Variants in NME7 observed in about 807,000 individuals in gnomAD.
NME7 encodes the protein NME/NM23 family member 7, also known as nucleoside diphosphate kinase 7.
A neutral mutation model predicts 49.1 loss-of-function variants in NME7; 41 were observed. That is an observed-to-expected ratio of 0.83 (90% CI 0.65 to 1.08). NME7 has a LOEUF of 1.08. NME7 is among the 50% of genes least tolerant of loss of function. NME7 has a pLI of 0.00. For synonymous variants in NME7, 139 were observed against 150.6 expected (o/e 0.92, Z 0.56); for missense variants, 423 against 463.4 (o/e 0.91, Z 0.80).
intron 7 of NME7, 136 bp from the exon 8 acceptor site, chr1:169,237,823 A>G: frequency 1.6e-6 from 1 of 611,282 alleles, no homozygotes; most frequent in South Asian, 2.1e-5. Context: ...TGCAAGAGAA[A>G]CTAAATTAAA....
intron 1 of NME7, among the ~76,000 whole-genome samples, chr1:169,340,593 G>C (rs1571403038): frequency 6.6e-6 from 1 of 152,226 alleles, no homozygotes; most frequent in Admixed American, 6.5e-5. Flanking sequence ...CAGAAGAAAA[G>C]AAGATGTGGG....
intron 1 of NME7, among the ~76,000 whole-genome samples, chr1:169,349,399 T>G (rs1420338194): frequency 6.6e-6 from 1 of 152,124 alleles, no homozygotes; most frequent in Non-Finnish European, 1.5e-5. Context: ...AAGTTTAAAG[T>G]TTTTAAATTT....
intron 2 of NME7, 108 bp downstream of exon 2, chr1:169,324,283 TAC>T (rs201004112): frequency 4.2e-5 from 26 of 616,722 alleles, no homozygotes; most frequent in South Asian, 6.7e-5. Flanking sequence ...TATGTATATA[TAC>T]ACACACACAT....
intron 7 of NME7, among the ~76,000 whole-genome samples, chr1:169,256,334 C>T (rs556929387): frequency 7.5e-6 from 1 of 134,094 alleles, no homozygotes; most frequent in African/African-American, 2.5e-5. Flanking sequence ...TCACTGAAAC[C>T]CTTTCTTCCA....
At chr1:169,277,191 T>C (rs1649771240) in intron 7 of NME7, among the ~76,000 whole-genome samples, 1 of 149,540 alleles carries the variant, frequency 6.7e-6, no homozygotes, top group African/African-American at 2.5e-5. Context: ...GTTCTGTAGA[T>C]GTCTATTAGG....
At chr1:169,198,152 A>G (rs1660440934) in intron 10 of NME7, among the ~76,000 whole-genome samples, 2 of 152,240 alleles carry the variant, frequency 1.3e-5, no homozygotes, top group South Asian at 4.1e-4. Context: ...AACCACAATC[A>G]GACATCACTT....
At chr1:169,250,698 T>C (rs990175898) in intron 7 of NME7, among the ~76,000 whole-genome samples, 6 of 152,138 alleles carry the variant, frequency 3.9e-5, no homozygotes, top group Admixed American at 1.3e-4. Context: ...TTTCAAAGAA[T>C]TTTTAAAATT....
intron 1 of NME7, among the ~76,000 whole-genome samples, chr1:169,358,164 T>A (rs1249225491): frequency 6.6e-6 from 1 of 152,104 alleles, no homozygotes; most frequent in Non-Finnish European, 1.5e-5. Flanking sequence ...AGGTTGATAT[T>A]TTAATCTCTT....
intron 10 of NME7, among the ~76,000 whole-genome samples, chr1:169,199,800 A>T (rs1336421438): frequency 6.6e-6 from 1 of 152,122 alleles, no homozygotes; most frequent in African/African-American, 2.4e-5. Flanking sequence ...CTCAGCCAAA[A>T]TTCAGAATTT....
chr1:169,167,258 A>G (rs1320706409), intron 11 of NME7, among the ~76,000 whole-genome samples: 1 of 152,176 alleles, frequency 6.6e-6, no homozygotes, highest in Non-Finnish European at 1.5e-5. Flanking sequence ...TATATGTCTA[A>G]TAAATTCCAG....
intron 11 of NME7, among the ~76,000 whole-genome samples, chr1:169,143,748 A>G (rs1658675405): frequency 6.6e-6 from 1 of 152,190 alleles, no homozygotes; most frequent in African/African-American, 2.4e-5. Context: ...GGCAACTTCC[A>G]TTCATTGCAC....
chr1:169,296,988 C>G (rs1650736296), intron 6 of NME7, among the ~76,000 whole-genome samples: 1 of 150,962 alleles, frequency 6.6e-6, no homozygotes, highest in Non-Finnish European at 1.5e-5. Context: ...TTTTTTTTTC[C>G]CCCGAGATGG....
At chr1:169,187,340 T>C (rs1170341414) in intron 10 of NME7, among the ~76,000 whole-genome samples, 2 of 152,102 alleles carry the variant, frequency 1.3e-5, no homozygotes, top group African/African-American at 2.4e-5. Flanking sequence ...ATATTGAGAG[T>C]AGAGTGTTAA....
chr1:169,350,245 A>AAGGAAGGGAGGAAGGAAG (rs1553196995), intron 1 of NME7, among the ~76,000 whole-genome samples: 1 of 87,206 alleles, frequency 1.1e-5, no homozygotes, highest in African/African-American at 4.5e-5. Context: ...AAAGAAAGAA[A>AAGGAAGGGAGGAAGGAAG]GAAGGAAGGA....
intron 7 of NME7, among the ~76,000 whole-genome samples, chr1:169,248,384 G>A (rs1456814262): frequency 6.6e-6 from 1 of 151,828 alleles, no homozygotes; most frequent in Admixed American, 6.6e-5. Flanking sequence ...TTAGTCCTTT[G>A]CTAGATGTAT....
chr1:169,143,927 C>T (rs1658680290), intron 11 of NME7, among the ~76,000 whole-genome samples: 1 of 152,100 alleles, frequency 6.6e-6, no homozygotes, highest in Non-Finnish European at 1.5e-5. Context: ...AAGCTACGGA[C>T]CATTTCCCCC....
intron 3 of NME7, among the ~76,000 whole-genome samples, chr1:169,321,058 T>A (rs1315712671): frequency 6.6e-6 from 1 of 152,212 alleles, no homozygotes; most frequent in African/African-American, 2.4e-5. Flanking sequence ...ACATAAATTA[T>A]AATTTTTATG....
intron 1 of NME7, among the ~76,000 whole-genome samples, chr1:169,346,695 C>T (rs1652962332): frequency 6.6e-6 from 1 of 152,190 alleles, no homozygotes; most frequent in African/African-American, 2.4e-5. Context: ...AATGCAAGCC[C>T]TTTTAGGGCA....
intron 6 of NME7, among the ~76,000 whole-genome samples, chr1:169,293,491 C>T (rs1650592772): frequency 6.6e-6 from 1 of 152,130 alleles, no homozygotes; most frequent in African/African-American, 2.4e-5. Flanking sequence ...ATGGCACCAA[C>T]TTCTCATTAT....
Sources: gnomAD v4.1 joint callset for allele counts (sites outside exome capture counted in the v4.1 genomes callset) on GRCh38, gnomAD v4.1.1 for gene constraint, MANE v1.5 for transcripts, NCBI Gene and HGNC (gene_info 2026-07-23, HGNC 2026-07-21) for gene names.